The following BICD1 variants were observed in gnomAD, a reference collection of about 807,000 sequenced individuals.
BICD1 encodes protein bicaudal D homolog 1.
Under a neutral mutation model 92.5 loss-of-function variants are expected in BICD1, and 35 were observed. That is an observed-to-expected ratio of 0.38 (90% CI 0.29 to 0.50). BICD1 has a LOEUF of 0.50. Ranked by LOEUF, BICD1 falls within the 20% of genes least tolerant of loss-of-function variation. The pLI is 0.93. For missense variants in BICD1, 950 were observed against 1,189.8 expected, an observed-to-expected ratio of 0.80 and a Z score of 2.97; for synonymous variants, 429 against 465.1, an observed-to-expected ratio of 0.92 and a Z score of 1.00.
intron 2 of BICD1, among the ~76,000 whole-genome samples, chr12:32,221,352 T>TTAAA (rs1555150038): frequency 6.9e-6 from 1 of 145,728 alleles, no homozygotes; most frequent in Non-Finnish European, 1.5e-5. Flanking sequence ...TCACAAAAAA[T>TTAAA]AAAAAAATAA....
rs1443879212 is a variant in BICD1 at position 32,153,759 on chromosome 12, ATGTGTGTGTACATATATATATATGTG to A, written c.213+46225_213+46250del. Among the ~76,000 whole-genome samples, 346 of 148,424 alleles carry A rather than the reference ATGTGTGTGTACATATATATATATGTG, an allele frequency of 2.3e-3. 2 individuals carry two copies. The highest frequency in any genetic ancestry group is 8.2e-3 in the African/African-American group (321 of 39,350). ...TGATAGAGCCAGACTTTGTATATAT[ATGTGTGTGTACATATATATATATGTG>A]TGTGTGTGTGTGTATATATGTAATA... On this transcript the variant is annotated intron_variant, in intron 1 of 9. Coordinates refer to ENST00000652176, the MANE Select transcript of BICD1 (RefSeq NM_001714.4).
At chr12:32,260,994 C>A (rs1946843387) in intron 2 of BICD1, among the ~76,000 whole-genome samples, 1 of 152,194 alleles carries the variant, frequency 6.6e-6, no homozygotes, top group Non-Finnish European at 1.5e-5. Flanking sequence ...GGCGAATATG[C>A]CACTGATTCG....
At chr12:32,221,429 A>G (rs1945526974) in intron 2 of BICD1, among the ~76,000 whole-genome samples, 1 of 151,790 alleles carries the variant, frequency 6.6e-6, no homozygotes, top group Non-Finnish European at 1.5e-5. Context: ...CATGCCTGTA[A>G]TCCCAGCCCT....
chr12:32,376,666 G>C (rs981246222), intron 9 of BICD1, among the ~76,000 whole-genome samples: 2 of 151,912 alleles, frequency 1.3e-5, no homozygotes, highest in Non-Finnish European at 1.5e-5. Flanking sequence ...TCAGGAGTTC[G>C]AGACCAGCCT....
chr12:32,245,205 T>G (rs1946341881), intron 2 of BICD1, among the ~76,000 whole-genome samples: 1 of 152,176 alleles, frequency 6.6e-6, no homozygotes, highest in African/African-American at 2.4e-5. Context: ...TGTGCTTTAT[T>G]TTTTACTTGT....
chr12:32,238,508 A>AG (rs1487921951), intron 2 of BICD1, among the ~76,000 whole-genome samples: 1 of 152,238 alleles, frequency 6.6e-6, no homozygotes, highest in Admixed American at 6.5e-5. Context: ...CTGATAAAGC[A>AG]GGGGCAGGCT....
chr12:32,246,965 A>G (rs145722196), intron 2 of BICD1, among the ~76,000 whole-genome samples: 91 of 152,204 alleles, frequency 6.0e-4, no homozygotes, highest in African/African-American at 2.1e-3. Context: ...TTAGTTCAAG[A>G]TGCCTGTTAT....
At chr12:32,216,108 G>A in intron 1 of BICD1, 139 bp from the exon 2 acceptor site, 1 of 687,652 alleles carries the variant, frequency 1.5e-6, no homozygotes, top group Non-Finnish European at 2.4e-6. Context: ...AGTGAGAGCT[G>A]CTAGACTGTT....
intron 1 of BICD1, among the ~76,000 whole-genome samples, chr12:32,215,929 G>C (rs1021923065): frequency 1.5e-5 from 2 of 137,754 alleles, no homozygotes; most frequent in Non-Finnish European, 3.1e-5. Context: ...CCTCCAGCCT[G>C]GGCGACAGAG....
At chr12:32,178,012 A>T (rs1194487182) in intron 1 of BICD1, among the ~76,000 whole-genome samples, 1 of 151,388 alleles carries the variant, frequency 6.6e-6, no homozygotes, top group Middle Eastern at 3.2e-3. Flanking sequence ...GATTGTGATT[A>T]TGGGCATTTT....
chr12:32,294,618 CT>C (rs1947813412), intron 3 of BICD1, among the ~76,000 whole-genome samples: 2 of 77,838 alleles, frequency 2.6e-5, no homozygotes, highest in Admixed American at 1.7e-4. Flanking sequence ...GAGACTCCGT[CT>C]TAAAAAAAAA....
At chr12:32,212,648 G>A (rs1945251554) in intron 1 of BICD1, among the ~76,000 whole-genome samples, 2 of 152,192 alleles carry the variant, frequency 1.3e-5, no homozygotes, top group South Asian at 4.2e-4. Flanking sequence ...GGTTTCGAAC[G>A]CCTGACCTCA....
intron 2 of BICD1, among the ~76,000 whole-genome samples, chr12:32,249,776 T>C (rs1266637275): frequency 6.6e-6 from 1 of 151,986 alleles, no homozygotes; most frequent in Non-Finnish European, 1.5e-5. Context: ...TGTTCATTCT[T>C]TTGTACAAGT....
At chr12:32,143,617 AGTGCT>A (rs1311482692) in intron 1 of BICD1, among the ~76,000 whole-genome samples, 2 of 152,130 alleles carry the variant, frequency 1.3e-5, no homozygotes, top group African/African-American at 4.8e-5. Context: ...TATTATGAAT[AGTGCT>A]GCTCTGCACC....
intron 4 of BICD1, among the ~76,000 whole-genome samples, chr12:32,311,707 CAGAT>C (rs1239465753): frequency 6.6e-6 from 1 of 152,114 alleles, no homozygotes; most frequent in Non-Finnish European, 1.5e-5. Context: ...AGGAAGCTCT[CAGAT>C]AGCTGACTTC....
At chr12:32,295,437 T>G (rs1427463171) in intron 3 of BICD1, among the ~76,000 whole-genome samples, 1 of 152,136 alleles carries the variant, frequency 6.6e-6, no homozygotes, top group Non-Finnish European at 1.5e-5. Flanking sequence ...GGTGCTGTGC[T>G]AGGTTGGACA....
chr12:32,265,002 T>G (rs1388901765), intron 2 of BICD1, among the ~76,000 whole-genome samples: 1 of 152,154 alleles, frequency 6.6e-6, no homozygotes, highest in Non-Finnish European at 1.5e-5. Context: ...TATTTTTCTG[T>G]GCTGGTCGCT....
chr12:32,277,377 G>C (rs1947306317), intron 2 of BICD1, among the ~76,000 whole-genome samples: 2 of 152,200 alleles, frequency 1.3e-5, no homozygotes, highest in Non-Finnish European at 2.9e-5. Flanking sequence ...CTGGGCAACA[G>C]AGCAAGACTC....
chr12:32,166,389 G>C (rs1385038451), intron 1 of BICD1, among the ~76,000 whole-genome samples: 1 of 152,104 alleles, frequency 6.6e-6, no homozygotes, highest in South Asian at 2.1e-4. Flanking sequence ...ACCTGCCTCC[G>C]CCACCCAAAG....
Sources: allele counts gnomAD v4.1 joint callset (sites outside exome capture counted in the v4.1 genomes callset), GRCh38; gene constraint gnomAD v4.1.1; transcripts MANE v1.5; gene names NCBI Gene and HGNC (gene_info 2026-07-23, HGNC 2026-07-21).